Variants in CNST observed in about 807,000 individuals in gnomAD.
CNST encodes consortin.
Under a neutral mutation model 72.4 loss-of-function variants are expected in CNST, and 39 were observed. The ratio of observed to expected loss-of-function variants is 0.54; its 90% CI spans 0.42 to 0.70. The LOEUF (loss-of-function observed/expected upper bound fraction) is 0.70. CNST is among the 30% of genes least tolerant of loss of function. The pLI, the probability that CNST is intolerant of heterozygous loss-of-function variation, is 0.00. For missense variants in CNST, 871 were observed against 868.5 expected (o/e 1.00, Z -0.04); for synonymous variants, 332 against 320.1 (o/e 1.04, Z -0.40).
chr1:246,567,617 A>T (rs148131055), intron 1 of CNST, among the ~76,000 whole-genome samples: 24 of 152,354 alleles, frequency 1.6e-4, no homozygotes, highest in African/African-American at 5.3e-4. Flanking sequence ...GATTATACTC[A>T]TCTGATGAAG....
At chr1:246,567,452 T>G (rs1176542671) in intron 1 of CNST, among the ~76,000 whole-genome samples, 1 of 152,140 alleles carries the variant, frequency 6.6e-6, no homozygotes, top group Non-Finnish European at 1.5e-5. Context: ...CCATTATCCT[T>G]ACCACCAAGG....
intron 2 of CNST, among the ~76,000 whole-genome samples, chr1:246,604,910 G>A (rs1054976662): frequency 1.3e-5 from 2 of 152,158 alleles, no homozygotes; most frequent in East Asian, 1.9e-4. Flanking sequence ...CTCATGATTC[G>A]CCTGCCTCGG....
At chr1:246,573,704 C>T (rs1024120006) in intron 1 of CNST, among the ~76,000 whole-genome samples, 1 of 152,178 alleles carries the variant, frequency 6.6e-6, no homozygotes, top group Non-Finnish European at 1.5e-5. Flanking sequence ...AATTTCTGCT[C>T]CAGGAACACT....
intron 2 of CNST, among the ~76,000 whole-genome samples, chr1:246,610,165 C>T (rs909455168): frequency 1.3e-5 from 2 of 152,070 alleles, no homozygotes; most frequent in Admixed American, 6.6e-5. Context: ...ACCTGTAATC[C>T]CAGCTACTTG....
intron 10 of CNST, among the ~76,000 whole-genome samples, chr1:246,664,306 G>A (rs1667270150): frequency 6.6e-6 from 1 of 152,198 alleles, no homozygotes; most frequent in African/African-American, 2.4e-5. Context: ...GTGCAGAACT[G>A]TAGCCTAATT....
chr1:246,642,149 T>TTTTTTTTTTTTTTTA (rs1665758000), intron 8 of CNST, 112 bp downstream of exon 8: 1 of 597,672 alleles, frequency 1.7e-6, no homozygotes, highest in African/African-American at 2.1e-5. Context: ...TTTTTTTTTT[T>TTTTTTTTTTTTTTTA]TTTTTGCACT....
intron 10 of CNST, among the ~76,000 whole-genome samples, chr1:246,662,655 T>G (rs1667163736): frequency 6.6e-6 from 1 of 152,218 alleles, no homozygotes; most frequent in Non-Finnish European, 1.5e-5. Context: ...CCTCCCAAAG[T>G]GCTGGGATTA....
chr1:246,649,837 G>A (rs1295251063), intron 9 of CNST, among the ~76,000 whole-genome samples: 1 of 149,776 alleles, frequency 6.7e-6, no homozygotes, highest in East Asian at 1.9e-4. Context: ...CATCTAGTTT[G>A]CCAGATGTCC....
intron 1 of CNST, among the ~76,000 whole-genome samples, chr1:246,581,438 T>A (rs1335829640): frequency 6.6e-6 from 1 of 152,182 alleles, no homozygotes; most frequent in African/African-American, 2.4e-5. Context: ...TGATTTTGTA[T>A]TTTTAGTAGA....
intron 9 of CNST, among the ~76,000 whole-genome samples, chr1:246,648,690 G>A (rs1251653578): frequency 6.6e-6 from 1 of 152,204 alleles, no homozygotes; most frequent in Non-Finnish European, 1.5e-5. Context: ...GATTGCCTTA[G>A]TTCCAGTACA....
Position 246,665,959 on chromosome 1 carries a change from C to G in CNST, c.*54C>G. ...GTGAGAGTGAAAGGCGGGAGACTTT[C>G]TAAACAGTTTTTCTTTCAGGAATTC... On this transcript the variant is annotated 3_prime_UTR_variant, in exon 11 of 11. Transcript: ENST00000366513. 1 of 1,316,212 alleles carries G rather than the reference C, an allele frequency of 7.6e-7. No individual in the cohort carries two copies. Among genetic ancestry groups the G allele is most frequent in the Non-Finnish European group, 1.1e-6 (1 of 928,112 alleles). The allele number at this position is 1,316,212 out of a possible 1,614,324, so 81.5% of individuals were successfully genotyped here.
chr1:246,644,366 C>T (rs193133794), intron 8 of CNST, among the ~76,000 whole-genome samples: 26 of 122,646 alleles, frequency 2.1e-4, no homozygotes, highest in African/African-American at 8.0e-4. Context: ...TCCGCCTGGG[C>T]GACAGAGCGA....
At chr1:246,628,059 C>T (rs2103090042) in intron 3 of CNST, among the ~76,000 whole-genome samples, 1 of 152,228 alleles carries the variant, frequency 6.6e-6, no homozygotes, top group South Asian at 2.1e-4. Context: ...TGGTCGAGGG[C>T]AGGAAACATC....
intron 8 of CNST, among the ~76,000 whole-genome samples, chr1:246,642,782 G>A (rs189715458): frequency 4.6e-5 from 1 of 21,758 alleles, no homozygotes; most frequent in East Asian, 1.2e-3. Context: ...GAAGTATCAG[G>A]TGTTTTGGAT....
At chr1:246,644,445 A>G (rs937000959) in intron 8 of CNST, among the ~76,000 whole-genome samples, 6 of 151,418 alleles carry the variant, frequency 4.0e-5, no homozygotes, top group Admixed American at 2.6e-4. Flanking sequence ...GCTTAGCCCT[A>G]TTCAATCCTG....
intron 2 of CNST, chr1:246,607,588 GT>G: frequency 6.5e-6 from 1 of 153,354 alleles, no homozygotes; most frequent in South Asian, 2.0e-4. Flanking sequence ...CCGGGCAGGG[GT>G]TTTACAGTCT....
At chr1:246,586,111 A>ATATATATG (rs777928408) in intron 1 of CNST, among the ~76,000 whole-genome samples, 6 of 102,700 alleles carry the variant, frequency 5.8e-5, no homozygotes, top group Admixed American at 3.2e-4. Flanking sequence ...ATATATATAT[A>ATATATATG]TGTGTGTGTG....
chr1:246,658,817 T>C (rs1178312821), intron 9 of CNST, among the ~76,000 whole-genome samples: 1 of 152,190 alleles, frequency 6.6e-6, no homozygotes, highest in Non-Finnish European at 1.5e-5. Flanking sequence ...CTACAGCTTG[T>C]AGCAATCAGG....
At chr1:246,576,249 A>AAAG (rs1553368562) in intron 1 of CNST, among the ~76,000 whole-genome samples, 1 of 123,168 alleles carries the variant, frequency 8.1e-6, no homozygotes, top group South Asian at 2.8e-4. Flanking sequence ...AAAAAAAAAA[A>AAAG]AAAAGAAACA....
Sources: gnomAD v4.1 joint callset for allele counts (sites outside exome capture counted in the v4.1 genomes callset) on GRCh38, gnomAD v4.1.1 for gene constraint, MANE v1.5 for transcripts, NCBI Gene and HGNC (gene_info 2026-07-23, HGNC 2026-07-21) for gene names.